Variants in UBE3A observed in about 807,000 individuals in gnomAD.
UBE3A encodes ubiquitin-protein ligase E3A.
UBE3A carries 6 observed loss-of-function variants against 83.4 expected under a neutral mutation model. The ratio of observed to expected loss-of-function variants is 0.07; its 90% CI spans 0.04 to 0.14. The LOEUF is 0.14. Among genes scored for constraint, UBE3A ranks in the 10% least tolerant of loss-of-function variants. The pLI, the probability that UBE3A is intolerant of heterozygous loss-of-function variation, is 1.00. For missense variants in UBE3A, 456 were observed against 1,036.1 expected, an observed-to-expected ratio of 0.44 and a Z score of 7.69; for synonymous variants, 337 against 355.4, an observed-to-expected ratio of 0.95 and a Z score of 0.58.
chr15:25,352,203 C>CA (rs1257699411), intron 11 of UBE3A, among the ~76,000 whole-genome samples: 3 of 152,066 alleles, frequency 2.0e-5, no homozygotes, highest in African/African-American at 7.2e-5. Context: ...AACAAACAAA[C>CA]AAAAAATTAA....
At chr15:25,420,682 T>A (rs988312494) in intron 1 of UBE3A, 1 of 152,152 alleles carries the variant, frequency 6.6e-6, no homozygotes, top group Non-Finnish European at 1.5e-5. Context: ...TGCAGAGAAA[T>A]TGGAACCCTT....
At chr15:25,399,328 C>T (rs181003902) in intron 4 of UBE3A, among the ~76,000 whole-genome samples, 3 of 152,098 alleles carry the variant, frequency 2.0e-5, no homozygotes, top group Admixed American at 6.5e-5. Context: ...GGTAGTTCTA[C>T]AGTTTCAGGT....
chr15:25,359,586 A>C (rs879459978), intron 7 of UBE3A, among the ~76,000 whole-genome samples: 4 of 152,196 alleles, frequency 2.6e-5, no homozygotes, highest in Middle Eastern at 3.4e-3. Flanking sequence ...TTCTGATGGT[A>C]CCTTCAGTGG....
At position 25,336,790 on chromosome 15, in the gene UBE3A, T is replaced by C. The variant is rs889179438; in HGVS notation, c.*2347A>G. ...TACTTTAGTTTATGGTTCCTTTTTTTCCCTCCAGAGCTTCCTGGAGATTGA... is the reference window on the plus strand; with the variant it reads ...TACTTTAGTTTATGGTTCCTTTTTTCCCCTCCAGAGCTTCCTGGAGATTGA... On this transcript the variant is annotated 3_prime_UTR_variant, in exon 13 of 13. Transcript: ENST00000648336. 3.5e-4 allele frequency: 54 copies of C among 152,172 alleles called. No homozygotes were observed. Among genetic ancestry groups the C allele is most frequent in the African/African-American group, 1.2e-3 (50 of 41,456 alleles). The allele number at this position is 152,172 out of a possible 1,614,324, so 9.4% of individuals were successfully genotyped here.
rs1366472257 is a variant in UBE3A, at chr15:25,429,101, A to C, written c.-165+9388T>G. 2.0e-5 allele frequency among the ~76,000 whole-genome samples: 3 copies of C among 152,218 alleles called. No individual in the cohort carries two copies. The South Asian group carries it at 6.2e-4, about 32-fold the overall frequency. Reference sequence around the variant, plus strand: ...ATACTGAGTTTAAAAAAATCAAGCTATTGAAAGACAGCGTTATACATGTCT... The same window carrying C: ...ATACTGAGTTTAAAAAAATCAAGCTCTTGAAAGACAGCGTTATACATGTCT... On this transcript the variant is annotated intron_variant, in intron 1 of 12. Coordinates refer to ENST00000648336, the MANE Select transcript of UBE3A (RefSeq NM_130839.5).
chr15:25,433,220 T>TAG (rs1893987855), intron 1 of UBE3A, among the ~76,000 whole-genome samples: 1 of 148,648 alleles, frequency 6.7e-6, no homozygotes, highest in Non-Finnish European at 1.5e-5. Context: ...TGAGAGGCAG[T>TAG]CTCACTCTGT....
intron 4 of UBE3A, among the ~76,000 whole-genome samples, chr15:25,400,920 A>G (rs1438065878): frequency 2.0e-5 from 3 of 152,244 alleles, no homozygotes; most frequent in Non-Finnish European, 4.4e-5. Flanking sequence ...CATTCAGTAT[A>G]ACGTTAGCAG....
chr15:25,398,801 A>ATAAATACATATATATAAATATATGTATT lies in UBE3A; in HGVS notation c.62+6659_62+6660insAATACATATATTTATATATATGTATTTA, dbSNP rs1567068546. ...TATATATATATATATATATATATATATATATATATATATAAAAATACATAT... is the reference window on the plus strand; with the variant it reads ...TATATATATATATATATATATATATATAAATACATATATATAAATATATGTATTTATATATATATATAAAAATACATAT... On this transcript the variant is annotated intron_variant, in intron 4 of 12. Coordinates refer to ENST00000648336, the MANE Select transcript of UBE3A (RefSeq NM_130839.5). Among the ~76,000 whole-genome samples the ATAAATACATATATATAAATATATGTATT allele has an allele frequency of 4.5e-4, 36 of 79,876 alleles. 1 individual carries two copies. The highest frequency in any genetic ancestry group is 1.3e-3 in the Admixed American group (8 of 5,940). 52.4% of individuals were successfully genotyped at this position (79,876 alleles called of 152,430 possible).
intron 4 of UBE3A, among the ~76,000 whole-genome samples, chr15:25,399,735 TA>T (rs746755722): frequency 3.2e-3 from 431 of 135,416 alleles, no homozygotes; most frequent in Non-Finnish European, 3.2e-3. Context: ...CGCCTGGCTT[TA>T]AAAATTTTTT....
At chr15:25,403,519 C>T (rs545409126) in intron 4 of UBE3A, among the ~76,000 whole-genome samples, 2 of 152,100 alleles carry the variant, frequency 1.3e-5, no homozygotes, top group South Asian at 4.1e-4. Flanking sequence ...GGTAGAAACG[C>T]AAATAGGTAC....
At chr15:25,380,612 A>C (rs936919640) in intron 4 of UBE3A, among the ~76,000 whole-genome samples, 1 of 152,232 alleles carries the variant, frequency 6.6e-6, no homozygotes, top group South Asian at 2.1e-4. Flanking sequence ...GAGAGGATGC[A>C]AAAGAAAAAG....
rs746897684 is a variant in UBE3A, at chr15:25,334,648, A to T, written c.*4489T>A. The T allele has an allele frequency of 6.6e-6, 1 of 152,096 alleles. No homozygotes were observed. The highest frequency in any genetic ancestry group is 1.5e-5 in the Non-Finnish European group (1 of 68,020). 9.4% of individuals were successfully genotyped at this position (152,096 alleles called of 1,614,324 possible). A position where few individuals can be genotyped will look rare whatever the true frequency, so the allele number is the denominator to read the frequency against. On this transcript the variant is annotated 3_prime_UTR_variant, in exon 13 of 13. Coordinates refer to ENST00000648336, the MANE Select transcript of UBE3A (RefSeq NM_130839.5). Reference sequence around the variant, plus strand: ...GGAGGACTTGCACATCCCAAATCTAAACTTACTACCAAGCTACAGCCATCA... The same window carrying T: ...GGAGGACTTGCACATCCCAAATCTATACTTACTACCAAGCTACAGCCATCA...
At chr15:25,387,104 T>G (rs560592819) in intron 4 of UBE3A, among the ~76,000 whole-genome samples, 2 of 152,356 alleles carry the variant, frequency 1.3e-5, no homozygotes, top group South Asian at 4.1e-4. Context: ...ACTTACTTAT[T>G]GGGTTGTGTC....
intron 6 of UBE3A, among the ~76,000 whole-genome samples, chr15:25,364,798 C>T (rs530925723): frequency 1.3e-5 from 2 of 152,068 alleles, no homozygotes; most frequent in East Asian, 1.9e-4. Context: ...CGCCTGCCAC[C>T]GCGCCTGGCT....
At chr15:25,412,202 A>G (rs1167383644) in intron 1 of UBE3A, among the ~76,000 whole-genome samples, 1 of 152,220 alleles carries the variant, frequency 6.6e-6, no homozygotes, top group East Asian at 1.9e-4. Context: ...TCCCATATTC[A>G]TCCATAAAGC....
At chr15:25,419,571 A>C (rs747629774) in intron 1 of UBE3A, 2 of 152,144 alleles carry the variant, frequency 1.3e-5, no homozygotes, top group Non-Finnish European at 2.9e-5. Flanking sequence ...ATCTACAAAA[A>C]GGAATCTCCA....
At chr15:25,433,196 T>C (rs948145552) in intron 1 of UBE3A, among the ~76,000 whole-genome samples, 18 of 151,478 alleles carry the variant, frequency 1.2e-4, no homozygotes, top group African/African-American at 4.4e-4. Context: ...CTAAAAAGTT[T>C]TTTTTTTTTT....
chr15:25,350,714 CTT>C (rs1218690794), intron 11 of UBE3A, among the ~76,000 whole-genome samples: 2 of 152,056 alleles, frequency 1.3e-5, no homozygotes, highest in African/African-American at 2.4e-5. Context: ...AAAAAAAACA[CTT>C]TGCGTATTCA....
At chr15:25,369,748 T>C (rs2079989688) in intron 6 of UBE3A, among the ~76,000 whole-genome samples, 2 of 152,196 alleles carry the variant, frequency 1.3e-5, no homozygotes, top group Admixed American at 6.5e-5. Context: ...GACTGCTTTC[T>C]GTCTTCTGGC....
Sources: allele counts gnomAD v4.1 joint callset (sites outside exome capture counted in the v4.1 genomes callset), GRCh38; gene constraint gnomAD v4.1.1; transcripts MANE v1.5; gene names NCBI Gene and HGNC (gene_info 2026-07-23, HGNC 2026-07-21).